The following DPH6 variants were observed in gnomAD, a reference collection of about 807,000 sequenced individuals.
The protein encoded by DPH6 is diphthamine biosynthesis 6, also known as diphthine--ammonia ligase.
In DPH6, 33 loss-of-function variants were observed where a neutral mutation model predicts 38.2. That is an observed-to-expected ratio of 0.86 (90% CI 0.65 to 1.15). The LOEUF (loss-of-function observed/expected upper bound fraction) is 1.15. Ranked by LOEUF, DPH6 falls within the 50% of genes most tolerant of loss-of-function variation. The probability of loss-of-function intolerance (pLI) is 0.00; values close to 1 mark genes in which losing one functional copy is unlikely to be tolerated. For missense variants in DPH6, 325 were observed against 320.0 expected, an observed-to-expected ratio of 1.02 and a Z score of -0.12; for synonymous variants, 108 against 103.0, an observed-to-expected ratio of 1.05 and a Z score of -0.30.
chr15:35,521,617 C>T, intron 3 of DPH6: 2 of 1,228,442 alleles, frequency 1.6e-6, no homozygotes, highest in Non-Finnish European at 2.0e-6. Flanking sequence ...AGGATGACTA[C>T]AAAAAAAATC....
chr15:35,362,907 A>G (rs548645288), intron 3 of DPH6, among the ~76,000 whole-genome samples: 2 of 152,272 alleles, frequency 1.3e-5, no homozygotes, highest in East Asian at 3.9e-4. Context: ...ATGGGGAAAT[A>G]GGGTTGGTCA....
intron 3 of DPH6, among the ~76,000 whole-genome samples, chr15:35,464,715 CCTATT>C (rs1480942263): frequency 6.6e-6 from 1 of 152,136 alleles, no homozygotes; most frequent in East Asian, 1.9e-4. Context: ...ATGTCATAGT[CCTATT>C]CTAATCACCA....
chr15:35,299,429 G>C (rs1335353676), intron 3 of DPH6: 2 of 783,040 alleles, frequency 2.6e-6, no homozygotes, highest in South Asian at 1.3e-5. Flanking sequence ...TCCTCTGATC[G>C]TACAGGGACA....
intron 3 of DPH6, among the ~76,000 whole-genome samples, chr15:35,297,387 T>C (rs1306723117): frequency 1.3e-5 from 2 of 152,016 alleles, no homozygotes; most frequent in East Asian, 3.9e-4. Context: ...CTGTTGAATC[T>C]GGTCTTGTCT....
At chr15:35,285,996 A>T (rs1319288173) in intron 3 of DPH6, among the ~76,000 whole-genome samples, 1 of 150,866 alleles carries the variant, frequency 6.6e-6, no homozygotes, top group Non-Finnish European at 1.5e-5. Context: ...TGGAAAAATC[A>T]TCCAAATGCT....
chr15:35,255,343 A>G (rs2051700543), intron 3 of DPH6, among the ~76,000 whole-genome samples: 1 of 152,214 alleles, frequency 6.6e-6, no homozygotes, highest in African/African-American at 2.4e-5. Flanking sequence ...ATCTTCAACC[A>G]TCCATTGGTT....
chr15:35,489,824 T>G, intron 3 of DPH6: 1 of 981,066 alleles, frequency 1.0e-6, no homozygotes. Flanking sequence ...TGTCTAATAA[T>G]GTACTTTTAA....
At chr15:35,214,581 C>T (rs2051402827), downstream of DPH6, among the ~76,000 whole-genome samples, 1 of 152,154 alleles carries the variant, frequency 6.6e-6, no homozygotes, top group Non-Finnish European at 1.5e-5. Context: ...TGATCCAAGC[C>T]ACTATCATTT....
At chr15:35,455,788 T>G (rs1030566411) in intron 3 of DPH6, among the ~76,000 whole-genome samples, 7 of 152,204 alleles carry the variant, frequency 4.6e-5, no homozygotes, top group Non-Finnish European at 1.0e-4. Flanking sequence ...AAATCCATCC[T>G]AGCCTGTGGA....
At chr15:35,272,339 C>T (rs998432419) in intron 3 of DPH6, among the ~76,000 whole-genome samples, 1 of 152,010 alleles carries the variant, frequency 6.6e-6, no homozygotes, top group African/African-American at 2.4e-5. Flanking sequence ...GTAAGTTTTC[C>T]CCCATGGAAA....
chr15:35,385,368 A>G (rs1263351649), intron 6 of DPH6, among the ~76,000 whole-genome samples: 2 of 152,300 alleles, frequency 1.3e-5, no homozygotes, highest in East Asian at 3.9e-4. Context: ...GAACCAACCC[A>G]AATGCCCATC....
chr15:35,496,105 T>C (rs76012477), intron 3 of DPH6, among the ~76,000 whole-genome samples: 6,202 of 152,252 alleles, frequency 0.041, 179 homozygotes, highest in East Asian at 0.083. Flanking sequence ...TACAGGAGAG[T>C]ATCTTCATGA....
chr15:35,496,695 CAT>C (rs570693839), intron 3 of DPH6, among the ~76,000 whole-genome samples: 1 of 149,832 alleles, frequency 6.7e-6, no homozygotes, highest in South Asian at 2.1e-4. Flanking sequence ...GGTCAGTAAA[CAT>C]GTGAAAAAAA....
At chr15:35,215,505 T>A (rs1265490322), downstream of DPH6, among the ~76,000 whole-genome samples, 1 of 152,076 alleles carries the variant, frequency 6.6e-6, no homozygotes, top group African/African-American at 2.4e-5. Context: ...CGTCTCAGCC[T>A]CCCAAGTAGC....
intron 3 of DPH6, among the ~76,000 whole-genome samples, chr15:35,242,126 C>A (rs2051604288): frequency 1.4e-5 from 2 of 144,788 alleles, no homozygotes; most frequent in South Asian, 4.7e-4. Context: ...ATTACCTGGG[C>A]TGTACCGCCG....
chr15:35,297,565 G>T (rs2052023740), intron 3 of DPH6, among the ~76,000 whole-genome samples: 1 of 151,688 alleles, frequency 6.6e-6, no homozygotes, highest in South Asian at 2.1e-4. Flanking sequence ...GAGATTGCCT[G>T]ATCTTATTAA....
At chr15:35,394,783 G>T (rs1264243822) in intron 6 of DPH6, among the ~76,000 whole-genome samples, 1 of 152,144 alleles carries the variant, frequency 6.6e-6, no homozygotes, top group East Asian at 1.9e-4. Context: ...CACATGAATG[G>T]AATGCCAAAA....
chr15:35,433,739 A>G (rs2053660061), intron 5 of DPH6, among the ~76,000 whole-genome samples: 2 of 152,192 alleles, frequency 1.3e-5, no homozygotes, highest in Admixed American at 1.3e-4. Flanking sequence ...ATTAAAATCA[A>G]TTAATATTGA....
At chr15:35,476,161 AT>A (rs1276675771) in intron 3 of DPH6, among the ~76,000 whole-genome samples, 3 of 151,900 alleles carry the variant, frequency 2.0e-5, no homozygotes, top group Non-Finnish European at 4.4e-5. Context: ...AGATCTCATC[AT>A]AAAAAATGCA....
Sources: allele counts gnomAD v4.1 joint callset (sites outside exome capture counted in the v4.1 genomes callset), GRCh38; gene constraint gnomAD v4.1.1; transcripts MANE v1.5; gene names NCBI Gene and HGNC (gene_info 2026-07-23, HGNC 2026-07-21).